Variants in SCFD1 observed in about 807,000 individuals in gnomAD.
SCFD1 encodes the protein sec1 family domain containing 1, also known as sec1 family domain-containing protein 1.
SCFD1 carries 37 observed loss-of-function variants against 103.2 expected under a neutral mutation model. The ratio of observed to expected loss-of-function variants is 0.36; its 90% CI spans 0.28 to 0.47. SCFD1 has a LOEUF of 0.47. Among genes scored for constraint, SCFD1 ranks in the 20% least tolerant of loss-of-function variants. The probability of loss-of-function intolerance (pLI) is 1.00; values close to 1 mark genes in which losing one functional copy is unlikely to be tolerated. For synonymous variants in SCFD1, 264 were observed against 245.0 expected, an observed-to-expected ratio of 1.08 and a Z score of -0.73; for missense variants, 639 against 761.2, an observed-to-expected ratio of 0.84 and a Z score of 1.89.
chr14:30,630,379 T>C, intron 2 of SCFD1, 98 bp from the exon 3 acceptor site: 2 of 740,032 alleles, frequency 2.7e-6, no homozygotes, highest in South Asian at 1.5e-5. Flanking sequence ...ATTCAGTATA[T>C]ATGATGTATT....
chr14:30,694,864 C>CT lies in SCFD1; in HGVS notation c.1335dup (p.Asp446Ter). On this transcript the variant is annotated frameshift_variant, in exon 15 of 25. Transcript: ENST00000458591. LOFTEE classifies it high-confidence loss of function. ...TCTCTTCTAGATATAATATCAGACC[C>CT]TGATGGTATGTACCAAAAATTTGAG... 6.3e-7 allele frequency: 1 copy of CT among 1,581,540 alleles called. No individual in the cohort carries two copies. Among genetic ancestry groups the CT allele is most frequent in the Non-Finnish European group, 8.5e-7 (1 of 1,169,750 alleles).
intron 14 of SCFD1, among the ~76,000 whole-genome samples, chr14:30,682,581 G>C (rs1041922745): frequency 1.3e-5 from 2 of 152,176 alleles, no homozygotes; most frequent in African/African-American, 4.8e-5. Context: ...GAGAATTCCA[G>C]TTATCTTGCA....
chr14:30,711,476 T>C lies in SCFD1; in HGVS notation c.1629+3411T>C, dbSNP rs57482448. On this transcript the variant is annotated intron_variant, in intron 19 of 24. Coordinates refer to ENST00000458591, the MANE Select transcript of SCFD1 (RefSeq NM_016106.4). ...AAAATACAAAAAAATTAGCTGGGCATGGTGGCACATGCTTGGGAGGCTGAG... is the reference window on the plus strand; with the variant it reads ...AAAATACAAAAAAATTAGCTGGGCACGGTGGCACATGCTTGGGAGGCTGAG... 9.4e-3 allele frequency among the ~76,000 whole-genome samples: 1,425 copies of C among 152,248 alleles called. 24 individuals are homozygous for C. Among genetic ancestry groups the C allele is most frequent in the African/African-American group, 0.032 (1,325 of 41,562 alleles).
chr14:30,622,357 G>T lies in SCFD1; in HGVS notation c.19G>T (p.Ala7Ser), dbSNP rs866183796. 1 of 1,566,744 alleles carries T rather than the reference G, an allele frequency of 6.4e-7. No individual in the cohort carries two copies. The highest frequency in any genetic ancestry group is 8.6e-7 in the Non-Finnish European group (1 of 1,156,136). ...AGCCAAGATGGCGGCGGCGGCGGCA[G>T]CGACAGCAGCAGCAGCAGCCAGTAT... MAAAAA[A>S]TAAAAASIRE... Residue 7 changes from alanine to serine, a missense_variant, in exon 1 of 25, where the codon GCG becomes TCG. Ala to Ser is a moderately conservative substitution (Grantham distance 99). Transcript: ENST00000458591.
intron 15 of SCFD1, among the ~76,000 whole-genome samples, chr14:30,695,579 TAA>T (rs1040395416): frequency 6.6e-6 from 1 of 152,080 alleles, no homozygotes; most frequent in African/African-American, 2.4e-5. Flanking sequence ...TTAACAATGG[TAA>T]AGACTGGCCA....
At chr14:30,711,515 G>T (rs367929653) in intron 19 of SCFD1, among the ~76,000 whole-genome samples, 1 of 152,216 alleles carries the variant, frequency 6.6e-6, no homozygotes, top group South Asian at 2.1e-4. Flanking sequence ...GGAGGATCAC[G>T]TGAGCCTGGG....
chr14:30,651,613 A>C (rs1402933635), intron 9 of SCFD1, among the ~76,000 whole-genome samples: 2 of 151,064 alleles, frequency 1.3e-5, no homozygotes, highest in African/African-American at 4.9e-5. Flanking sequence ...TATCTTACTT[A>C]ATAGTTCCCT....
intron 7 of SCFD1, among the ~76,000 whole-genome samples, chr14:30,644,173 G>C (rs565676206): frequency 3.9e-5 from 6 of 152,142 alleles, no homozygotes; most frequent in Non-Finnish European, 7.4e-5. Context: ...CAAAGCATAT[G>C]ATTTCACTCT....
At chr14:30,639,937 A>T in intron 6 of SCFD1, 73 bp downstream of exon 6, 2 of 1,460,542 alleles carry the variant, frequency 1.4e-6, no homozygotes, top group Non-Finnish European at 9.1e-7. Context: ...AAAAGTGAAT[A>T]TGTTTAATGG....
intron 10 of SCFD1, among the ~76,000 whole-genome samples, chr14:30,654,290 CTG>C (rs1886685259): frequency 6.6e-6 from 1 of 152,208 alleles, no homozygotes; most frequent in South Asian, 2.1e-4. Flanking sequence ...AAAACTAACA[CTG>C]TAGTTTACTA....
chr14:30,712,460 C>T (rs1319350673), intron 19 of SCFD1, among the ~76,000 whole-genome samples: 1 of 152,172 alleles, frequency 6.6e-6, no homozygotes, highest in Non-Finnish European at 1.5e-5. Flanking sequence ...AAAAAAAACA[C>T]TTCCCTATTT....
intron 6 of SCFD1, among the ~76,000 whole-genome samples, chr14:30,640,588 A>T: frequency 6.6e-6 from 1 of 152,082 alleles, no homozygotes; most frequent in East Asian, 1.9e-4. Flanking sequence ...AAATTCTCCT[A>T]ATCAGTCCCC....
In SCFD1 at chr14:30,700,269, T is replaced by C; in HGVS notation, c.1410+11T>C. ...CAAGCACCTTCTGAGGTATGTCCTTTATTCAGTTATTGGGAGGAAGGGGAA... is the reference window on the plus strand; with the variant it reads ...CAAGCACCTTCTGAGGTATGTCCTTCATTCAGTTATTGGGAGGAAGGGGAA... On this transcript the variant is annotated intron_variant, in intron 16 of 24. Coordinates refer to ENST00000458591, the MANE Select transcript of SCFD1 (RefSeq NM_016106.4). The C allele has an allele frequency of 1.9e-6, 3 of 1,538,710 alleles. No individual in the cohort carries two copies. Among genetic ancestry groups the C allele is most frequent in the East Asian group, 2.3e-5 (1 of 44,392 alleles).
At chr14:30,718,454 A>G (rs1331935247) in intron 20 of SCFD1, among the ~76,000 whole-genome samples, 1 of 152,252 alleles carries the variant, frequency 6.6e-6, no homozygotes, top group African/African-American at 2.4e-5. Context: ...ACTAGGAAAA[A>G]GTAACTTTCT....
intron 6 of SCFD1, among the ~76,000 whole-genome samples, chr14:30,643,055 C>G (rs1190146301): frequency 6.6e-6 from 1 of 151,874 alleles, no homozygotes; most frequent in Non-Finnish European, 1.5e-5. Flanking sequence ...TGCCTGTGGT[C>G]CCAGCTATTC....
At chr14:30,705,749 A>C in intron 17 of SCFD1, 74 bp from the exon 18 acceptor site, 3 of 1,109,210 alleles carry the variant, frequency 2.7e-6, no homozygotes, top group Non-Finnish European at 4.1e-6. Context: ...GTTAGTCAGT[A>C]GATATTTTAA....
chr14:30,692,483 G>A (rs1227192368), intron 14 of SCFD1, among the ~76,000 whole-genome samples: 1 of 152,194 alleles, frequency 6.6e-6, no homozygotes, highest in Non-Finnish European at 1.5e-5. Flanking sequence ...AGGAAGAGTT[G>A]TAGAAAAGCT....
upstream of SCFD1, chr14:30,622,310 C>A (rs756355215): frequency 6.3e-7 from 1 of 1,593,880 alleles, no homozygotes; most frequent in South Asian, 1.1e-5. Flanking sequence ...CTCCGCTCCC[C>A]AGCCGGGCAG....
chr14:30,698,538 C>T (rs1272250994), intron 15 of SCFD1, among the ~76,000 whole-genome samples: 2 of 152,164 alleles, frequency 1.3e-5, no homozygotes, highest in East Asian at 1.9e-4. Flanking sequence ...GAAGCAAACT[C>T]GGGGACCCAC....
Sources: gnomAD v4.1 joint callset for allele counts (sites outside exome capture counted in the v4.1 genomes callset) on GRCh38, gnomAD v4.1.1 for gene constraint, MANE v1.5 for transcripts, NCBI Gene and HGNC (gene_info 2026-07-23, HGNC 2026-07-21) for gene names.